Variants in NELL1 observed in about 807,000 individuals in gnomAD.
NELL1 encodes neural EGFL like 1.
NELL1 carries 76 observed loss-of-function variants against 107.4 expected under a neutral mutation model. The ratio of observed to expected loss-of-function variants is 0.71; its 90% CI spans 0.59 to 0.86. The LOEUF (loss-of-function observed/expected upper bound fraction) is 0.86, where lower values mean the gene tolerates loss of function less well. Among genes scored for constraint, NELL1 ranks in the 40% least tolerant of loss-of-function variants. The pLI is 0.00. For synonymous variants in NELL1, 353 were observed against 341.2 expected, an observed-to-expected ratio of 1.03 and a Z score of -0.38; for missense variants, 1,024 against 1,005.5, an observed-to-expected ratio of 1.02 and a Z score of -0.25.
chr11:21,232,354 G>A (rs905478091), intron 14 of NELL1, among the ~76,000 whole-genome samples: 15 of 149,436 alleles, frequency 1.0e-4, no homozygotes, highest in African/African-American at 3.4e-4. Context: ...AAATTGATTA[G>A]TATTACTTTC....
chr11:20,885,104 C>G (rs1314004595), intron 4 of NELL1, among the ~76,000 whole-genome samples: 1 of 152,218 alleles, frequency 6.6e-6, no homozygotes, highest in East Asian at 1.9e-4. Flanking sequence ...ACTTGGTTAA[C>G]TCATTTATGA....
intron 12 of NELL1, among the ~76,000 whole-genome samples, chr11:21,029,809 TCAATCCTCTC>T (rs1254008843): frequency 6.6e-6 from 1 of 152,192 alleles, no homozygotes; most frequent in African/African-American, 2.4e-5. Context: ...CGTCCAGCTT[TCAATCCTCTC>T]CAATCCTCTT....
At chr11:21,467,839 G>A (rs1243695957) in intron 15 of NELL1, among the ~76,000 whole-genome samples, 1 of 151,998 alleles carries the variant, frequency 6.6e-6, no homozygotes, top group African/African-American at 2.4e-5. Flanking sequence ...GAATTTGTGG[G>A]TGATGAAAGC....
At chr11:20,741,154 G>A (rs1300530988) in intron 2 of NELL1, among the ~76,000 whole-genome samples, 1 of 117,816 alleles carries the variant, frequency 8.5e-6, no homozygotes, top group Admixed American at 8.9e-5. Context: ...ATCCTCCCTG[G>A]GTTTCTGATG....
intron 1 of NELL1, among the ~76,000 whole-genome samples, chr11:20,672,973 C>G (rs1160743081): frequency 4.4e-4 from 10 of 22,840 alleles, no homozygotes; most frequent in Non-Finnish European, 6.8e-4. Flanking sequence ...TGCCTCAGCC[C>G]CCCCCCCCCC....
chr11:21,246,807 C>CATGGCAA, intron 14 of NELL1, among the ~76,000 whole-genome samples: 1 of 152,248 alleles, frequency 6.6e-6, no homozygotes, highest in East Asian at 1.9e-4. Flanking sequence ...GCCTCACAAT[C>CATGGCAA]ATGGCAAAAG....
intron 2 of NELL1, among the ~76,000 whole-genome samples, chr11:20,737,012 C>CA (rs1353118339): frequency 2.0e-5 from 3 of 152,126 alleles, no homozygotes; most frequent in Non-Finnish European, 4.4e-5. Flanking sequence ...CTCGGCCTCC[C>CA]AAAGTGCTGG....
chr11:20,873,943 T>C (rs1200967314), intron 4 of NELL1, among the ~76,000 whole-genome samples: 1 of 152,122 alleles, frequency 6.6e-6, no homozygotes, highest in Non-Finnish European at 1.5e-5. Flanking sequence ...TTTTTATTTT[T>C]TGTAGAGATG....
intron 12 of NELL1, among the ~76,000 whole-genome samples, chr11:21,006,655 C>T (rs1196486262): frequency 6.6e-6 from 1 of 152,074 alleles, no homozygotes; most frequent in African/African-American, 2.4e-5. Context: ...TTCAGTGACA[C>T]GGTCTCTTTT....
At chr11:21,489,829 G>T (rs1854752253) in intron 15 of NELL1, among the ~76,000 whole-genome samples, 1 of 151,970 alleles carries the variant, frequency 6.6e-6, no homozygotes, top group Non-Finnish European at 1.5e-5. Flanking sequence ...CAAACCCACA[G>T]CTGACTTACA....
At chr11:20,768,846 C>T (rs1333633176) in intron 2 of NELL1, among the ~76,000 whole-genome samples, 1 of 152,112 alleles carries the variant, frequency 6.6e-6, no homozygotes, top group Non-Finnish European at 1.5e-5. Flanking sequence ...TGGTTTTTGT[C>T]CTGTGAAACC....
At chr11:20,943,853 T>A (rs4922684) in intron 10 of NELL1, among the ~76,000 whole-genome samples, 121,736 of 152,070 alleles carry the variant, frequency 0.8, 49,345 homozygotes, top group East Asian at 1. Context: ...AGAAGGATTG[T>A]TTGATCATTT....
At chr11:20,926,412 C>T (rs1428634964) in intron 7 of NELL1, among the ~76,000 whole-genome samples, 1 of 152,002 alleles carries the variant, frequency 6.6e-6, no homozygotes, top group East Asian at 1.9e-4. Context: ...TAGGTTTGCT[C>T]AGGATGGATT....
chr11:20,703,955 TG>T (rs1269827966), intron 2 of NELL1, among the ~76,000 whole-genome samples: 1 of 152,192 alleles, frequency 6.6e-6, no homozygotes, highest in Non-Finnish European at 1.5e-5. Flanking sequence ...AAGTGTGATG[TG>T]GTGCTGAGAA....
At chr11:21,571,459 C>CA (rs1857098858) in intron 18 of NELL1, among the ~76,000 whole-genome samples, 1 of 151,934 alleles carries the variant, frequency 6.6e-6, no homozygotes, top group Non-Finnish European at 1.5e-5. Context: ...CAAGTGGACA[C>CA]AGGTATGTGA....
intron 12 of NELL1, among the ~76,000 whole-genome samples, chr11:21,010,384 C>T (rs564688959): frequency 3.3e-5 from 5 of 152,198 alleles, no homozygotes; most frequent in Admixed American, 3.3e-4. Context: ...CCCTGCCTGT[C>T]TCCTTCTCTT....
intron 14 of NELL1, among the ~76,000 whole-genome samples, chr11:21,337,849 C>CT (rs745720825): frequency 9.9e-5 from 13 of 131,424 alleles, no homozygotes; most frequent in Admixed American, 8.7e-4. Flanking sequence ...TTCTTTCTTT[C>CT]TTTCTTTCTT....
At chr11:21,202,715 GC>G (rs1381278046) in intron 13 of NELL1, among the ~76,000 whole-genome samples, 1 of 152,134 alleles carries the variant, frequency 6.6e-6, no homozygotes, top group Non-Finnish European at 1.5e-5. Flanking sequence ...TAATTGTGAT[GC>G]TAGGGTGTCA....
intron 4 of NELL1, among the ~76,000 whole-genome samples, chr11:20,884,349 A>T (rs1849465276): frequency 6.6e-6 from 1 of 152,192 alleles, no homozygotes. Flanking sequence ...GGGAGGAGTG[A>T]TGAGCTGTCC....
Sources: gnomAD v4.1 joint callset for allele counts (sites outside exome capture counted in the v4.1 genomes callset) on GRCh38, gnomAD v4.1.1 for gene constraint, MANE v1.5 for transcripts, NCBI Gene and HGNC (gene_info 2026-07-23, HGNC 2026-07-21) for gene names.